Variants in PCDHGB4 observed in about 807,000 individuals in gnomAD.
PCDHGB4 encodes protocadherin gamma subfamily B, 4.
Under a neutral mutation model 60.5 loss-of-function variants are expected in PCDHGB4, and 38 were observed. The observed-to-expected ratio is 0.63, with a 90% confidence interval of 0.48 to 0.82. The LOEUF (loss-of-function observed/expected upper bound fraction) is 0.82, where lower values mean the gene tolerates loss of function less well. Among genes scored for constraint, PCDHGB4 ranks in the 40% least tolerant of loss-of-function variants. The pLI, the probability that PCDHGB4 is intolerant of heterozygous loss-of-function variation, is 0.00. For missense variants in PCDHGB4, 1,109 were observed against 1,209.6 expected, an observed-to-expected ratio of 0.92 and a Z score of 1.23; for synonymous variants, 456 against 509.7, an observed-to-expected ratio of 0.89 and a Z score of 1.42.
chr5:141,449,263 AC>A (rs1308401244), intron 1 of PCDHGB4, among the ~76,000 whole-genome samples: 3 of 152,152 alleles, frequency 2.0e-5, no homozygotes, highest in African/African-American at 7.2e-5. Flanking sequence ...TGTACAAAGA[AC>A]TGTATCTCCT....
At chr5:141,390,327 T>G (rs377735930) in intron 1 of PCDHGB4, 46 bp downstream of exon 1, 172 of 1,603,116 alleles carry the variant, frequency 1.1e-4, no homozygotes, top group Non-Finnish European at 2.0e-5. Flanking sequence ...CCTACCCATT[T>G]CTCCATATTC....
chr5:141,426,711 G>C, intron 1 of PCDHGB4: 1 of 444,496 alleles, frequency 2.2e-6, no homozygotes, highest in Non-Finnish European at 4.6e-6. Flanking sequence ...ACAAATCAAT[G>C]AACTAGCAAT....
At chr5:141,484,943 C>T (rs542244720) in intron 1 of PCDHGB4, 14 of 546,098 alleles carry the variant, frequency 2.6e-5, no homozygotes, top group African/African-American at 2.3e-4. Flanking sequence ...GTTCTCTGCT[C>T]AGCCTATTGG....
rs2099643895 is a variant in PCDHGB4 at position 141,487,385 on chromosome 5, C to T, written c.2398-7422C>T. 1.9e-6 allele frequency: 3 copies of T among 1,614,160 alleles called. No homozygotes were observed. The highest frequency in any genetic ancestry group is 1.1e-5 in the South Asian group (1 of 91,086). On this transcript the variant is annotated intron_variant, in intron 1 of 3. Transcript: ENST00000519479. This position sits in a 1 kb window ranked among gnomAD's most constrained non-coding sequence, Gnocchi z 5.0. Reference sequence around the variant, plus strand: ...CACCTGTGCCTGTCTCACCAGATCTCGAAGGAGGGAGGGGCTTCCCCCTTC... The same window carrying T: ...CACCTGTGCCTGTCTCACCAGATCTTGAAGGAGGGAGGGGCTTCCCCCTTC...
At chr5:141,422,168 G>T in intron 1 of PCDHGB4, 2 of 1,563,582 alleles carry the variant, frequency 1.3e-6, no homozygotes, top group Non-Finnish European at 1.7e-6. Context: ...GAAAAATATA[G>T]ATTCTATGAG....
intron 1 of PCDHGB4, chr5:141,414,940 G>C: frequency 7.4e-6 from 12 of 1,614,104 alleles, no homozygotes; most frequent in Non-Finnish European, 9.3e-6. Context: ...CGCAGAGCCC[G>C]GCTACCTGGT....
At chr5:141,414,320 A>C (rs372261571) in intron 1 of PCDHGB4, 7 of 1,613,840 alleles carry the variant, frequency 4.3e-6, no homozygotes, top group Non-Finnish European at 5.9e-6. Flanking sequence ...GACTCTGAGC[A>C]GAATGGACAG....
At chr5:141,397,224 A>T (rs2093491277) in intron 1 of PCDHGB4, among the ~76,000 whole-genome samples, 1 of 151,376 alleles carries the variant, frequency 6.6e-6, no homozygotes. Context: ...ATTTTGAGAT[A>T]TGAAGAAGAG....
rs1282403944 is a variant in PCDHGB4 at position 141,485,452 on chromosome 5, G to A, written c.2398-9355G>A. ...TCATCAAGAACCCAATCGACCGAGA[G>A]GCACTGTGTGGGCTCAGTGCCAGCT... On this transcript the variant is annotated intron_variant, in intron 1 of 3. Transcript: ENST00000519479. The surrounding 1 kb of genome is among the most constrained non-coding windows in gnomAD (Gnocchi z 5.7). 2.5e-6 allele frequency: 4 copies of A among 1,614,054 alleles called. No individual in the cohort carries two copies. Among genetic ancestry groups the A allele is most frequent in the East Asian group, 4.5e-5 (2 of 44,884 alleles).
Position 141,477,545 on chromosome 5 carries a change from C to T in PCDHGB4, c.2398-17262C>T. The T allele has an allele frequency of 6.2e-7, 1 of 1,614,194 alleles. No individual in the cohort carries two copies. Among genetic ancestry groups the T allele is most frequent in the South Asian group, 1.1e-5 (1 of 91,086 alleles). On this transcript the variant is annotated intron_variant, in intron 1 of 3. Coordinates refer to ENST00000519479, the MANE Select transcript of PCDHGB4 (RefSeq NM_003736.4). The surrounding 1 kb of genome is among the most constrained non-coding windows in gnomAD (Gnocchi z 4.9). ...AAACAACCTCCCCGGGGCTCCAATA[C>T]TAAACCTAAGTGTCTGGGACCCCGA...
intron 1 of PCDHGB4, chr5:141,423,309 G>T (rs1401836240): frequency 6.2e-7 from 1 of 1,614,176 alleles, no homozygotes; most frequent in South Asian, 1.1e-5. Context: ...CGCTGTACTT[G>T]GTGGTGGCGG....
chr5:141,393,787 G>A (rs1267376494), intron 1 of PCDHGB4: 3 of 1,613,930 alleles, frequency 1.9e-6, no homozygotes, highest in Non-Finnish European at 2.5e-6. Flanking sequence ...GAAGATGTGG[G>A]GGCACTTCTG....
chr5:141,401,564 C>A (rs2094168610), intron 1 of PCDHGB4, among the ~76,000 whole-genome samples: 1 of 152,204 alleles, frequency 6.6e-6, no homozygotes, highest in African/African-American at 2.4e-5. Flanking sequence ...GCCTGAATTT[C>A]TCTTGCTCGG....
chr5:141,414,854 A>C (rs1191943867), intron 1 of PCDHGB4: 3 of 1,614,230 alleles, frequency 1.9e-6, no homozygotes, highest in Non-Finnish European at 2.5e-6. Context: ...CTGGACCAGA[A>C]CGACAATGCG....
In PCDHGB4 at chr5:141,435,189, G is replaced by A. The variant is rs569176993; in HGVS notation, c.2397+44908G>A. Among the ~76,000 whole-genome samples the A allele has an allele frequency of 5.3e-5, 8 of 152,166 alleles. No homozygotes were observed. The South Asian group carries it at 8.3e-4, about 16-fold the overall frequency. On this transcript the variant is annotated intron_variant, in intron 1 of 3. Coordinates refer to ENST00000519479, the MANE Select transcript of PCDHGB4 (RefSeq NM_003736.4). ...GTGGCTTTTAACTACACTTGAGATGGCTAGCAAATTCATAAAGTGAATTTA... is the reference window on the plus strand; with the variant it reads ...GTGGCTTTTAACTACACTTGAGATGACTAGCAAATTCATAAAGTGAATTTA...
In PCDHGB4 at chr5:141,477,880, C is replaced by T. The variant is rs763789849; in HGVS notation, c.2398-16927C>T. 10 of 1,614,058 alleles carry T rather than the reference C, an allele frequency of 6.2e-6. No homozygotes were observed. The African/African-American group carries it at 1.2e-4, about 19-fold the overall frequency. ...TGCCTCGAGGTACCTCAGCTGGCCA[C>T]CTAGTGTCACGGGTGGTAGGCTGGG... is the stretch of plus-strand genomic sequence containing the variant. On this transcript the variant is annotated intron_variant, in intron 1 of 3. Transcript: ENST00000519479. The surrounding 1 kb of genome is among the most constrained non-coding windows in gnomAD (Gnocchi z 4.9).
intron 3 of PCDHGB4, among the ~76,000 whole-genome samples, chr5:141,509,745 T>C (rs1456852988): frequency 6.6e-6 from 1 of 152,186 alleles, no homozygotes; most frequent in East Asian, 1.9e-4. Context: ...TCTGAGCCTG[T>C]GCCTAAAGTG....
intron 1 of PCDHGB4, among the ~76,000 whole-genome samples, chr5:141,488,350 C>G (rs1191478919): frequency 6.6e-6 from 1 of 152,176 alleles, no homozygotes; most frequent in Non-Finnish European, 1.5e-5. Context: ...GAAACAGCCA[C>G]CCTGTGCATC....
At chr5:141,409,719 CAGTG>C (rs2095305881) in intron 1 of PCDHGB4, 2 of 1,613,090 alleles carry the variant, frequency 1.2e-6, no homozygotes, top group South Asian at 2.2e-5. Flanking sequence ...TCATACGTGT[CAGTG>C]AGCGCGCAGA....
Sources: allele counts gnomAD v4.1 joint callset (sites outside exome capture counted in the v4.1 genomes callset), GRCh38; gene constraint gnomAD v4.1.1; non-coding constraint Gnocchi (gnomAD v3.1); transcripts MANE v1.5; gene names NCBI Gene and HGNC (gene_info 2026-07-23, HGNC 2026-07-21).